Variants in IGF1R observed in about 807,000 individuals in gnomAD.
IGF1R encodes insulin like growth factor 1 receptor.
In IGF1R, 44 loss-of-function variants were observed where a neutral mutation model predicts 144.6. The ratio of observed to expected loss-of-function variants is 0.30; its 90% confidence interval spans 0.24 to 0.39. IGF1R has a LOEUF of 0.39. Among genes scored for constraint, IGF1R ranks in the 10% least tolerant of loss-of-function variants. The pLI, the probability that IGF1R is intolerant of heterozygous loss-of-function variation, is 1.00. For missense variants in IGF1R, 1,355 were observed against 1,833.7 expected, an observed-to-expected ratio of 0.74 and a Z score of 4.77; for synonymous variants, 795 against 722.8, an observed-to-expected ratio of 1.10 and a Z score of -1.60.
At chr15:98,915,845 C>G in intron 8 of IGF1R, 119 bp from the exon 9 acceptor site, 2 of 887,578 alleles carry the variant, frequency 2.3e-6, no homozygotes, top group Admixed American at 3.4e-5. Context: ...TTTCATTGTT[C>G]ATTGTTATTT....
At chr15:98,837,704 C>T (rs2011112379) in intron 2 of IGF1R, among the ~76,000 whole-genome samples, 1 of 152,024 alleles carries the variant, frequency 6.6e-6, no homozygotes, top group African/African-American at 2.4e-5. Context: ...ATAATTATTA[C>T]TGCCATGCTT....
At chr15:98,890,574 C>T (rs35247100) in intron 2 of IGF1R, 46,557 of 152,574 alleles carry the variant, frequency 0.31, 8,615 homozygotes, top group South Asian at 0.44. Context: ...CCTTTACTTT[C>T]CTAATCAGCT....
At chr15:98,692,708 C>T (rs369249462) in intron 1 of IGF1R, among the ~76,000 whole-genome samples, 4 of 152,320 alleles carry the variant, frequency 2.6e-5, no homozygotes, top group African/African-American at 9.6e-5. Context: ...TCTAAAAGCT[C>T]TTTCCCGCAA....
At chr15:98,856,040 G>A (rs777515307) in intron 2 of IGF1R, among the ~76,000 whole-genome samples, 1 of 152,180 alleles carries the variant, frequency 6.6e-6, no homozygotes, top group Non-Finnish European at 1.5e-5. Context: ...CCACAGCCTC[G>A]GTTTAGAGGG....
intron 1 of IGF1R, among the ~76,000 whole-genome samples, chr15:98,652,276 C>T (rs529072593): frequency 6.6e-6 from 1 of 152,340 alleles, no homozygotes; most frequent in South Asian, 2.1e-4. Context: ...TTTAAAAAGT[C>T]AGCATGCACT....
rs576696771 is a variant in IGF1R at position 98,704,087 on chromosome 15, C to T, written c.95-3475C>T. ...GGGGAAAAAAGACCCTCCCGGCCCC[C>T]TTCAGCTGTGATGTGTCTTTTCCAC... On this transcript the variant is annotated intron_variant, in intron 1 of 20. Transcript: ENST00000650285. This position sits in a 1 kb window ranked among gnomAD's most constrained non-coding sequence, Gnocchi z 4.9. Among the ~76,000 whole-genome samples the T allele has an allele frequency of 1.8e-4, 28 of 152,324 alleles. 1 individual carries two copies. The South Asian group carries it at 5.8e-3, about 32-fold the overall frequency.
At chr15:98,798,310 A>G (rs907805) in intron 2 of IGF1R, among the ~76,000 whole-genome samples, 151,715 of 152,188 alleles carry the variant, frequency 1, 75,623 homozygotes, top group Middle Eastern at 1. Context: ...AGGAAAGGGA[A>G]GGGAAAGGCG....
intron 1 of IGF1R, among the ~76,000 whole-genome samples, chr15:98,652,637 A>G (rs923341318): frequency 4.6e-5 from 7 of 152,226 alleles, no homozygotes; most frequent in African/African-American, 1.2e-4. Flanking sequence ...AAATATCACA[A>G]AAAGTGAAAG....
rs572504542 is a variant in IGF1R at position 98,922,220 on chromosome 15, G to A, written c.2274G>A (p.Thr758=). 1.3e-4 allele frequency: 217 copies of A among 1,614,160 alleles called. 3 individuals are homozygous for A. In the South Asian group the frequency reaches 2.0e-3, roughly 15 times the overall value. ...TGTCCAGCCGAAGCAGGAACACCAC[G>A]GCCGCAGACACCTACAACATCACCG... ...TTMSSRSRNT[T]AADTYNITDP... is the part of the protein sequence containing the mutation. The change falls in exon 11 of 21, where the codon ACG becomes ACA. Residue 758 remains threonine (T), a synonymous_variant. Transcript: ENST00000650285.
chr15:98,939,724 C>T (rs1018866135), intron 18 of IGF1R, among the ~76,000 whole-genome samples: 4 of 152,174 alleles, frequency 2.6e-5, no homozygotes, highest in Non-Finnish European at 5.9e-5. Flanking sequence ...TTGCATTCAT[C>T]CCTCCAATTT....
chr15:98,906,328 C>G (rs2014729659), intron 5 of IGF1R, among the ~76,000 whole-genome samples: 1 of 151,702 alleles, frequency 6.6e-6, no homozygotes, highest in Admixed American at 6.6e-5. Flanking sequence ...TTAATTGGTC[C>G]TTACCGGCAG....
chr15:98,957,317 A>G lies in IGF1R; in HGVS notation c.3979A>G (p.Asn1327Asp), dbSNP rs374710491. Reference protein sequence around the residue: ...PDRHSGHKAENGPGPGVLVLR... With the variant: ...PDRHSGHKAEDGPGPGVLVLR... ...CAGACACTCAGGACACAAGGCCGAG[A>G]ACGGCCCCGGCCCTGGGGTGCTGGT... The change falls in exon 21 of 21, where the codon AAC (asparagine) becomes GAC (aspartate). Residue 1327 changes from asparagine (N) to aspartate (D), a missense_variant. Physicochemically the swap from Asn to Asp is conservative, Grantham distance 23. This residue lies in a region of IGF1R where 219 missense variants were observed against 188.8 expected (regional missense o/e 1.16). Transcript: ENST00000650285. The G allele has an allele frequency of 3.0e-5, 48 of 1,612,612 alleles. No homozygotes were observed. The highest frequency in any genetic ancestry group is 3.3e-4 in the Middle Eastern group (2 of 6,078).
chr15:98,744,914 C>T (rs2054828860), intron 2 of IGF1R, among the ~76,000 whole-genome samples: 1 of 152,150 alleles, frequency 6.6e-6, no homozygotes, highest in South Asian at 2.1e-4. Context: ...TTCCCAGAGT[C>T]CCTCAGGAGG....
At chr15:98,817,867 A>C (rs151090662) in intron 2 of IGF1R, among the ~76,000 whole-genome samples, 1 of 152,226 alleles carries the variant, frequency 6.6e-6, no homozygotes, top group East Asian at 1.9e-4. Flanking sequence ...CTACTTTCCC[A>C]GTCTTGCCTC....
chr15:98,944,615 C>A (rs1322144371), intron 19 of IGF1R, among the ~76,000 whole-genome samples: 2 of 152,178 alleles, frequency 1.3e-5, no homozygotes, highest in East Asian at 3.9e-4. Context: ...AGCAATGATT[C>A]CTAAATAGTT....
intron 2 of IGF1R, among the ~76,000 whole-genome samples, chr15:98,738,582 A>G (rs892180059): frequency 2.0e-5 from 3 of 152,200 alleles, no homozygotes; most frequent in Non-Finnish European, 4.4e-5. Flanking sequence ...TGACTTGTGT[A>G]TTACTATGCA....
chr15:98,948,132 C>T (rs1470243092), intron 19 of IGF1R, among the ~76,000 whole-genome samples: 8 of 152,168 alleles, frequency 5.3e-5, no homozygotes, highest in Admixed American at 5.2e-4. Flanking sequence ...TTGACTGTCC[C>T]AGGCCTCATT....
intron 2 of IGF1R, among the ~76,000 whole-genome samples, chr15:98,745,559 G>T (rs1460081073): frequency 6.6e-6 from 1 of 152,246 alleles, no homozygotes; most frequent in African/African-American, 2.4e-5. Context: ...GGTAGGGCAG[G>T]AACAGGACAC....
At chr15:98,942,745 C>T (rs1267247066) in intron 18 of IGF1R, among the ~76,000 whole-genome samples, 178 bp from the exon 19 acceptor site, 1 of 152,188 alleles carries the variant, frequency 6.6e-6, no homozygotes, top group African/African-American at 2.4e-5. Flanking sequence ...TGTGATTAAT[C>T]ATCCCTTACT....
Sources: allele counts gnomAD v4.1 joint callset (sites outside exome capture counted in the v4.1 genomes callset), GRCh38; gene constraint gnomAD v4.1.1; regional missense constraint gnomAD v4.1.1; non-coding constraint Gnocchi (gnomAD v3.1); transcripts MANE v1.5; gene names NCBI Gene and HGNC (gene_info 2026-07-23, HGNC 2026-07-21).